SRD5A2: variants seen among roughly 807,000 people sequenced by gnomAD.
The protein encoded by SRD5A2 is 3-oxo-5-alpha-steroid 4-dehydrogenase 2.
SRD5A2 carries 30 observed loss-of-function variants against 27.4 expected under a neutral mutation model. That is an observed-to-expected ratio of 1.10 (90% confidence interval 0.82 to 1.49). SRD5A2 has a LOEUF of 1.49. SRD5A2 is among the 40% of genes most tolerant of loss of function. The pLI is 0.00. For synonymous variants in SRD5A2, 141 were observed against 133.6 expected, an observed-to-expected ratio of 1.06 and a Z score of -0.38; for missense variants, 348 against 323.4, an observed-to-expected ratio of 1.08 and a Z score of -0.58.
the SRD5A2 span, among the ~76,000 whole-genome samples, chr2:31,638,679 T>C: frequency 6.6e-6 from 1 of 152,050 alleles, no homozygotes. Context: ...GATAGTGACT[T>C]TTTTGTCTTT....
At chr2:31,658,867 G>A in the SRD5A2 span, among the ~76,000 whole-genome samples, 1 of 152,102 alleles carries the variant, frequency 6.6e-6, no homozygotes, top group East Asian at 1.9e-4. Flanking sequence ...CTCATCCTAT[G>A]AGGCCAGCAT....
chr2:31,630,426 C>T, the SRD5A2 span, among the ~76,000 whole-genome samples: 3 of 152,052 alleles, frequency 2.0e-5, no homozygotes, highest in Admixed American at 2.0e-4. Context: ...AAATTTAAAA[C>T]CTATAATTCA....
intron 2 of SRD5A2, among the ~76,000 whole-genome samples, chr2:31,533,240 T>C (rs1291465566): frequency 6.6e-6 from 1 of 152,072 alleles, no homozygotes; most frequent in Non-Finnish European, 1.5e-5. Flanking sequence ...GCTTGACAGC[T>C]TGTGGCACAG....
At chr2:31,544,987 C>A in intron 1 of SRD5A2, among the ~76,000 whole-genome samples, 1 of 151,356 alleles carries the variant, frequency 6.6e-6, no homozygotes, top group Admixed American at 6.6e-5. Context: ...CTAAACCTAC[C>A]AAGACTAAAT....
At chr2:31,615,713 T>C in the SRD5A2 span, among the ~76,000 whole-genome samples, 2 of 152,162 alleles carry the variant, frequency 1.3e-5, no homozygotes, top group Non-Finnish European at 1.5e-5. Context: ...GCATAAGTAA[T>C]GAGGAGCCAA....
At chr2:31,593,049 G>A in the SRD5A2 span, among the ~76,000 whole-genome samples, 1 of 151,876 alleles carries the variant, frequency 6.6e-6, no homozygotes, top group Non-Finnish European at 1.5e-5. Context: ...TCATAGATGG[G>A]AATTGAACAA....
the SRD5A2 span, among the ~76,000 whole-genome samples, chr2:31,618,021 C>A: frequency 6.6e-6 from 1 of 152,302 alleles, no homozygotes; most frequent in East Asian, 1.9e-4. Context: ...ATACCTGAAA[C>A]TGGGTACTCT....
the SRD5A2 span, among the ~76,000 whole-genome samples, chr2:31,612,626 T>C: frequency 6.6e-6 from 1 of 152,224 alleles, no homozygotes; most frequent in Non-Finnish European, 1.5e-5. Flanking sequence ...CAATTTGTAT[T>C]GGAATTCCAT....
chr2:31,610,346 TC>T, the SRD5A2 span, among the ~76,000 whole-genome samples: 2 of 152,160 alleles, frequency 1.3e-5, no homozygotes, highest in Non-Finnish European at 2.9e-5. Flanking sequence ...GCATAATTTA[TC>T]CCAGGGATGA....
chr2:31,608,770 AAACTT>A, the SRD5A2 span, among the ~76,000 whole-genome samples: 7 of 152,148 alleles, frequency 4.6e-5, no homozygotes, highest in East Asian at 7.7e-4. Context: ...AAATTAAAGA[AAACTT>A]AAATAAGTGA....
At chr2:31,542,714 A>G (rs1666153991) in intron 1 of SRD5A2, among the ~76,000 whole-genome samples, 1 of 152,186 alleles carries the variant, frequency 6.6e-6, no homozygotes, top group African/African-American at 2.4e-5. Context: ...AGAGAACTCA[A>G]AGATAAGGCA....
chr2:31,586,882 G>A, the SRD5A2 span, among the ~76,000 whole-genome samples: 1 of 152,150 alleles, frequency 6.6e-6, no homozygotes, highest in Non-Finnish European at 1.5e-5. Context: ...AATGAACTAA[G>A]TAAGGCACCA....
chr2:31,618,150 T>A, the SRD5A2 span, among the ~76,000 whole-genome samples: 1 of 152,132 alleles, frequency 6.6e-6, no homozygotes, highest in Non-Finnish European at 1.5e-5. Context: ...CAAGAGAGCT[T>A]GTGCAGAGGA....
the SRD5A2 span, among the ~76,000 whole-genome samples, chr2:31,602,663 C>T: frequency 6.6e-6 from 1 of 152,032 alleles, no homozygotes; most frequent in Admixed American, 6.6e-5. Flanking sequence ...AACTATACTA[C>T]AAGGCTACAG....
chr2:31,564,411 A>G (rs989892334), intron 1 of SRD5A2, among the ~76,000 whole-genome samples: 1 of 152,062 alleles, frequency 6.6e-6, no homozygotes, highest in Non-Finnish European at 1.5e-5. Context: ...AGCATCAGTG[A>G]GTTGTAGGAC....
the SRD5A2 span, among the ~76,000 whole-genome samples, chr2:31,612,945 A>G: frequency 6.6e-6 from 1 of 152,348 alleles, no homozygotes; most frequent in South Asian, 2.1e-4. Flanking sequence ...TAAATGGTGT[A>G]GAGAAACTGG....
the SRD5A2 span, among the ~76,000 whole-genome samples, chr2:31,622,560 C>G: frequency 6.6e-6 from 1 of 152,082 alleles, no homozygotes; most frequent in East Asian, 1.9e-4. Flanking sequence ...AGTCGGGCAT[C>G]GTCGTGGAGA....
the SRD5A2 span, among the ~76,000 whole-genome samples, chr2:31,621,831 T>C: frequency 2.0e-5 from 3 of 152,042 alleles, no homozygotes; most frequent in Admixed American, 2.0e-4. Context: ...TTTGTAGAGA[T>C]GAGATCTTGC....
the SRD5A2 span, among the ~76,000 whole-genome samples, chr2:31,613,696 C>T: frequency 6.6e-6 from 1 of 152,096 alleles, no homozygotes; most frequent in African/African-American, 2.4e-5. Flanking sequence ...TCTCACTCTG[C>T]TAATAGAGAC....
Sources: gnomAD v4.1 joint callset for allele counts (sites outside exome capture counted in the v4.1 genomes callset) on GRCh38, gnomAD v4.1.1 for gene constraint, MANE v1.5 for transcripts, NCBI Gene and HGNC (gene_info 2026-07-23, HGNC 2026-07-21) for gene names.